ATP13A4: variants seen among roughly 807,000 people sequenced by gnomAD.
ATP13A4 encodes the protein probable cation-transporting ATPase 13A4.
ATP13A4 carries 114 observed loss-of-function variants against 142.5 expected under a neutral mutation model. That is an observed-to-expected ratio of 0.80 (90% CI 0.69 to 0.93). The LOEUF (loss-of-function observed/expected upper bound fraction) is 0.93. ATP13A4 is among the 40% of genes least tolerant of loss of function. The probability of loss-of-function intolerance (pLI) is 0.00; values close to 1 mark genes in which losing one functional copy is unlikely to be tolerated. For synonymous variants in ATP13A4, 488 were observed against 514.8 expected, an observed-to-expected ratio of 0.95 and a Z score of 0.70; for missense variants, 1,392 against 1,454.0, an observed-to-expected ratio of 0.96 and a Z score of 0.69.
At chr3:193,438,391 C>A (rs1258315364) in intron 23 of ATP13A4, 84 bp downstream of exon 23, 7 of 1,166,464 alleles carry the variant, frequency 6.0e-6, no homozygotes, top group Admixed American at 1.8e-5. Context: ...CAGAAAGTTT[C>A]TCTAGTCTTT....
At chr3:193,589,621 C>T (rs531235758) in intron 1 of ATP13A4, among the ~76,000 whole-genome samples, 1 of 152,062 alleles carries the variant, frequency 6.6e-6, no homozygotes, top group African/African-American at 2.4e-5. Flanking sequence ...CCCAGCTGAA[C>T]TGGAAAATTT....
At chr3:193,522,092 A>C (rs1457400793) in intron 1 of ATP13A4, among the ~76,000 whole-genome samples, 1 of 152,212 alleles carries the variant, frequency 6.6e-6, no homozygotes, top group Non-Finnish European at 1.5e-5. Flanking sequence ...ATTTCAGCTG[A>C]GCTGCAGTCT....
chr3:193,541,352 G>C (rs2108716486), intron 1 of ATP13A4, among the ~76,000 whole-genome samples: 1 of 87,990 alleles, frequency 1.1e-5, no homozygotes, highest in East Asian at 2.2e-4. Context: ...TCTGATCACA[G>C]ATTATCTATC....
intron 8 of ATP13A4, among the ~76,000 whole-genome samples, chr3:193,479,218 T>G (rs544934788): frequency 6.6e-6 from 1 of 152,150 alleles, no homozygotes. Flanking sequence ...GAGACAAGGA[T>G]GCCCACATTC....
chr3:193,448,093 C>T, intron 18 of ATP13A4, 113 bp downstream of exon 18: 1 of 1,441,316 alleles, frequency 6.9e-7, no homozygotes. Context: ...TCTCCAGCAC[C>T]TGGAATGATG....
At chr3:193,487,264 G>A (rs534646937) in intron 7 of ATP13A4, among the ~76,000 whole-genome samples, 74 of 152,198 alleles carry the variant, frequency 4.9e-4, no homozygotes, top group South Asian at 3.5e-3. Flanking sequence ...ACTGCAGGGG[G>A]ACCATAACAT....
chr3:193,479,641 T>C (rs1011046334), intron 8 of ATP13A4, among the ~76,000 whole-genome samples: 2 of 152,096 alleles, frequency 1.3e-5, no homozygotes, highest in Non-Finnish European at 2.9e-5. Context: ...TGGAAATATG[T>C]CCCATGCTCA....
chr3:193,466,577 T>C (rs1718301518), intron 10 of ATP13A4, among the ~76,000 whole-genome samples: 1 of 152,232 alleles, frequency 6.6e-6, no homozygotes, highest in Non-Finnish European at 1.5e-5. Context: ...TACTTTGCAA[T>C]GTTAAATTTT....
intron 18 of ATP13A4, among the ~76,000 whole-genome samples, chr3:193,444,890 G>A (rs976381888): frequency 4.6e-5 from 7 of 152,174 alleles, no homozygotes; most frequent in African/African-American, 7.2e-5. Flanking sequence ...AGCCCTGAGC[G>A]CTCATAGGCT....
intron 2 of ATP13A4, among the ~76,000 whole-genome samples, chr3:193,568,402 C>G (rs866977703): frequency 2.9e-4 from 44 of 152,322 alleles, no homozygotes; most frequent in African/African-American, 9.4e-4. Context: ...ACAGACACTT[C>G]TCTTCCACTT....
chr3:193,420,156 C>T (rs923083415), intron 25 of ATP13A4, among the ~76,000 whole-genome samples: 20 of 149,814 alleles, frequency 1.3e-4, no homozygotes, highest in African/African-American at 4.9e-4. Context: ...CTGCTATAAC[C>T]CAGCACTACT....
chr3:193,463,825 G>C (rs1030844366), intron 12 of ATP13A4, among the ~76,000 whole-genome samples: 18 of 152,166 alleles, frequency 1.2e-4, no homozygotes, highest in African/African-American at 4.1e-4. Context: ...ATGGTGGCAA[G>C]AGTCATGTTG....
chr3:193,438,540 C>A lies in ATP13A4; in HGVS notation c.2607G>T (p.Glu869Asp). ...AAGTGAAAGGTGAGGCCACAGATGC[C>A]TCCTGCTCTGATAATGAGATGCCCA... ...AHVGISLSEQ[E>D]ASVASPFTSK... Residue 869 changes from glutamate to aspartate, a missense_variant, in exon 23 of 30, where the codon GAG (glutamate) becomes GAT (aspartate). Coordinates refer to ENST00000342695, the MANE Select transcript of ATP13A4 (RefSeq NM_032279.4). The A allele has an allele frequency of 1.2e-6, 2 of 1,614,168 alleles. No individual in the cohort carries two copies. Among genetic ancestry groups the A allele is most frequent in the South Asian group, 1.1e-5 (1 of 91,078 alleles).
chr3:193,448,104 T>C (rs1717058957), intron 18 of ATP13A4, 102 bp downstream of exon 18: 2 of 1,496,360 alleles, frequency 1.3e-6, no homozygotes, highest in Non-Finnish European at 1.8e-6. Flanking sequence ...TGGAATGATG[T>C]CTGGCCCAGA....
intron 2 of ATP13A4, among the ~76,000 whole-genome samples, chr3:193,578,022 C>T (rs150580545): frequency 4.1e-4 from 63 of 152,232 alleles, no homozygotes; most frequent in Non-Finnish European, 6.5e-4. Context: ...GGGCTAGGTG[C>T]GGTGGCTCAC....
rs1714954672 is a variant in ATP13A4 at position 193,414,602 on chromosome 3, A to G, written c.2991T>C (p.Pro997=). Residue 997 remains proline (P), a synonymous_variant, in exon 26 of 30, where the codon CCT becomes CCC. Transcript: ENST00000342695. Reference sequence around the variant, plus strand: ...ACCTGTGTATCTCCACGGAATACCAAGGCTGCCTCTGAACCAGGATGAAGC... The same window carrying G: ...ACCTGTGTATCTCCACGGAATACCAGGGCTGCCTCTGAACCAGGATGAAGC... ...IAGFILVQRQ[P]WYSVEIHSAC... is the part of the protein sequence containing the mutation. 1 of 1,613,968 alleles carries G rather than the reference A, an allele frequency of 6.2e-7. No homozygotes were observed. Among genetic ancestry groups the G allele is most frequent in the Non-Finnish European group, 8.5e-7 (1 of 1,179,996 alleles).
intron 2 of ATP13A4, among the ~76,000 whole-genome samples, chr3:193,563,552 G>C (rs731739): frequency 3.9e-5 from 6 of 152,202 alleles, no homozygotes; most frequent in Non-Finnish European, 8.8e-5. Context: ...TGGCTACTCA[G>C]AAGGCTGAGC....
At chr3:193,523,763 C>A (rs981161061) in intron 1 of ATP13A4, among the ~76,000 whole-genome samples, 1 of 152,108 alleles carries the variant, frequency 6.6e-6, no homozygotes, top group Non-Finnish European at 1.5e-5. Flanking sequence ...TTGTCCCCAC[C>A]AAACTCACAT....
At chr3:193,435,862 C>G (rs1177570072) in intron 23 of ATP13A4, 118 bp from the exon 24 acceptor site, 2 of 898,074 alleles carry the variant, frequency 2.2e-6, no homozygotes, top group East Asian at 2.6e-5. Context: ...ATACGACTGT[C>G]TGTCTGAAAA....
Sources: allele counts gnomAD v4.1 joint callset (sites outside exome capture counted in the v4.1 genomes callset), GRCh38; gene constraint gnomAD v4.1.1; transcripts MANE v1.5; gene names NCBI Gene and HGNC (gene_info 2026-07-23, HGNC 2026-07-21).